ADAM22: variants seen among roughly 807,000 people sequenced by gnomAD.
The protein encoded by ADAM22 is ADAM metallopeptidase domain 22.
Under a neutral mutation model 144.6 loss-of-function variants are expected in ADAM22, and 65 were observed. The observed-to-expected ratio is 0.45, with a 90% confidence interval of 0.37 to 0.55. ADAM22 has a LOEUF of 0.55. ADAM22 is among the 20% of genes least tolerant of loss of function. The probability of loss-of-function intolerance (pLI) is 0.00; values close to 1 mark genes in which losing one functional copy is unlikely to be tolerated. For synonymous variants in ADAM22, 391 were observed against 412.6 expected (o/e 0.95, Z 0.63); for missense variants, 974 against 1,184.9 (o/e 0.82, Z 2.61).
intron 3 of ADAM22, among the ~76,000 whole-genome samples, chr7:87,981,877 T>TA (rs1562912904): frequency 3.1e-5 from 3 of 95,856 alleles, no homozygotes; most frequent in African/African-American, 1.5e-4. Context: ...GTGATAATAA[T>TA]GATAACAATA....
chr7:88,074,309 C>G (rs1813616675), intron 3 of ADAM22, among the ~76,000 whole-genome samples: 1 of 152,132 alleles, frequency 6.6e-6, no homozygotes, highest in South Asian at 2.1e-4. Context: ...GATCTTGCAG[C>G]CCTTTCTGTC....
In ADAM22 at chr7:88,113,703, AAT is replaced by A. The variant is rs58099116; in HGVS notation, c.474-845_474-844del. 6.7e-3 allele frequency among the ~76,000 whole-genome samples: 322 copies of A among 48,080 alleles called. 2 individuals carry two copies. Among genetic ancestry groups the A allele is most frequent in the Middle Eastern group, 0.036 (2 of 56 alleles). 31.5% of individuals were successfully genotyped at this position (48,080 alleles called of 152,430 possible). ...TATATATATTATAAATAAATAAATA[AAT>A]ATATATATATATATATATATATATA... On this transcript the variant is annotated intron_variant, in intron 5 of 31. Transcript: ENST00000413139.
intron 3 of ADAM22, among the ~76,000 whole-genome samples, chr7:87,998,012 C>T (rs1008173244): frequency 6.6e-6 from 1 of 152,166 alleles, no homozygotes. Flanking sequence ...GGCCTGAGAG[C>T]CCCTGGCAAA....
At chr7:87,986,523 A>C (rs981494878) in intron 3 of ADAM22, among the ~76,000 whole-genome samples, 1 of 152,176 alleles carries the variant, frequency 6.6e-6, no homozygotes, top group African/African-American at 2.4e-5. Flanking sequence ...CCTAGAGGCA[A>C]CAGGACCCCA....
chr7:88,074,791 A>G (rs1212849595), intron 3 of ADAM22, among the ~76,000 whole-genome samples: 2 of 152,250 alleles, frequency 1.3e-5, no homozygotes, highest in Non-Finnish European at 1.5e-5. Context: ...GGTGCTTATC[A>G]TGATGAACCT....
At chr7:88,044,699 G>A (rs1804090624) in intron 3 of ADAM22, among the ~76,000 whole-genome samples, 1 of 151,600 alleles carries the variant, frequency 6.6e-6, no homozygotes, top group South Asian at 2.1e-4. Flanking sequence ...ACCCGCCTCG[G>A]TCTCCCAAAG....
intron 3 of ADAM22, among the ~76,000 whole-genome samples, chr7:88,049,311 C>A (rs1160818080): frequency 4.6e-5 from 7 of 152,198 alleles, no homozygotes; most frequent in Admixed American, 2.0e-4. Context: ...TGTCCAGAGT[C>A]TAACATCTTT....
At chr7:88,012,684 G>C (rs1795708702) in intron 3 of ADAM22, among the ~76,000 whole-genome samples, 1 of 152,150 alleles carries the variant, frequency 6.6e-6, no homozygotes, top group Non-Finnish European at 1.5e-5. Context: ...TCATGTGCTG[G>C]TAAGGTATGG....
In ADAM22 at chr7:88,083,926, C is replaced by T. The variant is rs532796517; in HGVS notation, c.390+8234C>T. ...GTTTATAGTTGGGAAAAAAAAATTA[C>T]CTAGGGCTAGAATCTCCAGGTCCTT... On this transcript the variant is annotated intron_variant, in intron 4 of 31. Transcript: ENST00000413139. Among the ~76,000 whole-genome samples the T allele has an allele frequency of 2.0e-5, 3 of 152,172 alleles. No individual in the cohort carries two copies. In the East Asian group the frequency reaches 5.8e-4, roughly 29 times the overall value.
intron 4 of ADAM22, among the ~76,000 whole-genome samples, chr7:88,078,959 A>C (rs1348408915): frequency 6.6e-6 from 1 of 152,240 alleles, no homozygotes; most frequent in Non-Finnish European, 1.5e-5. Flanking sequence ...CAATCTAGCA[A>C]GGCAGGCCAA....
At chr7:87,958,877 A>T (rs955157238) in intron 2 of ADAM22, among the ~76,000 whole-genome samples, 2 of 152,268 alleles carry the variant, frequency 1.3e-5, no homozygotes, top group South Asian at 4.1e-4. Flanking sequence ...ATTTAAAAAT[A>T]TTCTGGATTA....
chr7:87,943,129 T>A (rs917225136), intron 2 of ADAM22, among the ~76,000 whole-genome samples: 9 of 148,964 alleles, frequency 6.0e-5, no homozygotes, highest in African/African-American at 2.2e-4. Flanking sequence ...AATATAAACA[T>A]TTATAATATA....
At chr7:88,158,445 T>C (rs1162296509) in intron 22 of ADAM22, among the ~76,000 whole-genome samples, 1 of 152,078 alleles carries the variant, frequency 6.6e-6, no homozygotes, top group African/African-American at 2.4e-5. Flanking sequence ...AACAACACAG[T>C]ATATATTCTT....
chr7:87,980,714 C>A (rs908124101), intron 3 of ADAM22, among the ~76,000 whole-genome samples: 1 of 152,006 alleles, frequency 6.6e-6, no homozygotes, highest in Non-Finnish European at 1.5e-5. Flanking sequence ...TAGAGTTTAA[C>A]CTTTGAGTAG....
chr7:88,084,541 T>C (rs1210499345), intron 4 of ADAM22, among the ~76,000 whole-genome samples: 1 of 152,158 alleles, frequency 6.6e-6, no homozygotes, highest in Non-Finnish European at 1.5e-5. Context: ...TGCCCATCAA[T>C]CCAAAGTCAG....
At chr7:87,960,352 A>G (rs1398445708) in intron 2 of ADAM22, among the ~76,000 whole-genome samples, 2 of 150,312 alleles carry the variant, frequency 1.3e-5, no homozygotes, top group African/African-American at 4.9e-5. Flanking sequence ...TGCAGATAGT[A>G]TTGTTGCTGC....
At chr7:88,054,714 T>C (rs981856851) in intron 3 of ADAM22, among the ~76,000 whole-genome samples, 4 of 152,076 alleles carry the variant, frequency 2.6e-5, no homozygotes, top group East Asian at 1.9e-4. Context: ...GTGGGTTCTT[T>C]GTACATTCTT....
At chr7:88,024,687 G>A (rs1403525821) in intron 3 of ADAM22, among the ~76,000 whole-genome samples, 1 of 149,550 alleles carries the variant, frequency 6.7e-6, no homozygotes, top group Non-Finnish European at 1.5e-5. Context: ...ATCTCCTAAT[G>A]CTATCCCTCC....
intron 22 of ADAM22, among the ~76,000 whole-genome samples, chr7:88,160,785 A>AT (rs1162450407): frequency 6.6e-5 from 10 of 152,282 alleles, no homozygotes; most frequent in African/African-American, 2.4e-4. Flanking sequence ...CTATGCAGCC[A>AT]TAAAAAATGA....
Sources: gnomAD v4.1 joint callset for allele counts (sites outside exome capture counted in the v4.1 genomes callset) on GRCh38, gnomAD v4.1.1 for gene constraint, MANE v1.5 for transcripts, NCBI Gene and HGNC (gene_info 2026-07-23, HGNC 2026-07-21) for gene names.